Variants in SLC22A2 observed in about 807,000 individuals in gnomAD.
The protein encoded by SLC22A2 is organic cation transporter 2.
SLC22A2 carries 46 observed loss-of-function variants against 60.5 expected under a neutral mutation model. That is an observed-to-expected ratio of 0.76 (90% confidence interval 0.60 to 0.97). The LOEUF is 0.97. Among genes scored for constraint, SLC22A2 ranks in the 50% least tolerant of loss-of-function variants. The pLI, the probability that SLC22A2 is intolerant of heterozygous loss-of-function variation, is 0.00. For missense variants in SLC22A2, 701 were observed against 706.6 expected (o/e 0.99, Z 0.09); for synonymous variants, 303 against 267.0 (o/e 1.13, Z -1.31).
chr6:160,236,716 C>G (rs933892858), intron 9 of SLC22A2, among the ~76,000 whole-genome samples: 2 of 152,028 alleles, frequency 1.3e-5, no homozygotes, highest in African/African-American at 4.8e-5. Context: ...CTACATAGTC[C>G]CTGTACAGGG....
chr6:160,241,618 A>C, intron 8 of SLC22A2, 32 bp from the exon 9 acceptor site: 2 of 1,417,202 alleles, frequency 1.4e-6, no homozygotes, highest in Non-Finnish European at 2.0e-6. Context: ...TAACTTGTTA[A>C]CTTATCACAG....
chr6:160,217,303 A>G lies in SLC22A2; in HGVS notation c.*129T>C, dbSNP rs747959272. 3.5e-5 allele frequency: 21 copies of G among 595,412 alleles called. No homozygotes were observed. The highest frequency in any genetic ancestry group is 4.8e-5 in the Non-Finnish European group (16 of 336,010). 36.9% of individuals were successfully genotyped at this position (595,412 alleles called of 1,614,324 possible). The stretch of plus-strand genomic sequence containing the variant: ...GTACAATAGACTCCACTGGCTGTAG[A>G]CCTAGGTTGATAGGGCTCAGGGGTA... On this transcript the variant is annotated 3_prime_UTR_variant, in exon 11 of 11. Transcript: ENST00000366953.
intron 9 of SLC22A2, among the ~76,000 whole-genome samples, chr6:160,230,468 G>A (rs187789084): frequency 6.6e-6 from 1 of 152,076 alleles, no homozygotes; most frequent in Non-Finnish European, 1.5e-5. Flanking sequence ...TGAAGGGTCA[G>A]AAGGCCATCT....
chr6:160,255,080 C>T (rs1292365124), intron 2 of SLC22A2, among the ~76,000 whole-genome samples: 2 of 152,200 alleles, frequency 1.3e-5, no homozygotes, highest in Non-Finnish European at 2.9e-5. Context: ...CGGACCTCCC[C>T]TTGTTAATGT....
chr6:160,242,465 C>G (rs1006903680), intron 7 of SLC22A2, 63 bp from the exon 8 acceptor site: 1 of 952,312 alleles, frequency 1.1e-6, no homozygotes, highest in African/African-American at 1.6e-5. Context: ...AGACAGTGCT[C>G]CAGAGTGGGA....
intron 9 of SLC22A2, among the ~76,000 whole-genome samples, chr6:160,233,277 C>T (rs1012935145): frequency 1.3e-5 from 2 of 151,896 alleles, no homozygotes; most frequent in Admixed American, 6.5e-5. Context: ...TTCTTCCCTT[C>T]TGTCAGACAT....
At chr6:160,236,554 A>T (rs1234522730) in intron 9 of SLC22A2, among the ~76,000 whole-genome samples, 1 of 152,230 alleles carries the variant, frequency 6.6e-6, no homozygotes, top group Non-Finnish European at 1.5e-5. Context: ...AAGTGCAATA[A>T]GAATCTGTTT....
At chr6:160,239,864 T>A (rs969889265) in intron 9 of SLC22A2, among the ~76,000 whole-genome samples, 2 of 152,214 alleles carry the variant, frequency 1.3e-5, no homozygotes, top group East Asian at 3.8e-4. Flanking sequence ...GTTTTGCAGG[T>A]AAGTTCCATC....
chr6:160,241,966 G>A (rs1339074477), intron 8 of SLC22A2, among the ~76,000 whole-genome samples: 1 of 151,390 alleles, frequency 6.6e-6, no homozygotes, highest in Non-Finnish European at 1.5e-5. Flanking sequence ...GATGGGAGGA[G>A]CAATTGTTTC....
At chr6:160,243,351 G>C (rs1181130355) in intron 7 of SLC22A2, among the ~76,000 whole-genome samples, 2 of 151,972 alleles carry the variant, frequency 1.3e-5, no homozygotes, top group African/African-American at 2.4e-5. Context: ...GGGCTGTAAA[G>C]TCTCTCTTGT....
intron 1 of SLC22A2, among the ~76,000 whole-genome samples, chr6:160,257,320 C>A (rs1223926400): frequency 1.3e-5 from 2 of 152,168 alleles, no homozygotes; most frequent in Non-Finnish European, 2.9e-5. Flanking sequence ...CTGCTGAAGG[C>A]TGCTGCATTT....
intron 3 of SLC22A2, among the ~76,000 whole-genome samples, 193 bp from the exon 4 acceptor site, chr6:160,249,577 A>T (rs946302454): frequency 1.3e-5 from 2 of 152,194 alleles, no homozygotes; most frequent in African/African-American, 2.4e-5. Context: ...TAATTAATAA[A>T]TCTTATAGTC....
chr6:160,258,809 T>C lies in SLC22A2; in HGVS notation c.-52A>G. On this transcript the variant is annotated 5_prime_UTR_variant, in exon 1 of 11. Coordinates refer to ENST00000366953, the MANE Select transcript of SLC22A2 (RefSeq NM_003058.4). ...CTGCCCGACGTGCCCGGAGCGAGGCTGAGAGCGGCTGCAGCCAGCTCAGCA... is the reference window on the plus strand; with the variant it reads ...CTGCCCGACGTGCCCGGAGCGAGGCCGAGAGCGGCTGCAGCCAGCTCAGCA... 2.0e-6 allele frequency: 3 copies of C among 1,487,214 alleles called. No individual in the cohort carries two copies. Among genetic ancestry groups the C allele is most frequent in the Non-Finnish European group, 2.7e-6 (3 of 1,117,766 alleles). The allele number at this position is 1,487,214 out of a possible 1,614,324, so 92.1% of individuals were successfully genotyped here. A position where few individuals can be genotyped will look rare whatever the true frequency, so the allele number is the denominator to read the frequency against.
chr6:160,236,750 A>T (rs942355558), intron 9 of SLC22A2, among the ~76,000 whole-genome samples: 2 of 152,158 alleles, frequency 1.3e-5, no homozygotes, highest in Admixed American at 1.3e-4. Flanking sequence ...GTAAGTAAAA[A>T]ATGTCACTTT....
At position 160,256,635 on chromosome 6, in the gene SLC22A2, C is replaced by T. The variant is rs1474614683; in HGVS notation, c.497G>A (p.Ser166Asn). 3 of 1,612,890 alleles carry T rather than the reference C, an allele frequency of 1.9e-6. No individual in the cohort carries two copies. The highest frequency in any genetic ancestry group is 1.1e-5 in the South Asian group (1 of 91,056). ...CTACCTGTCTGCTATGTAGCCGATA[C>T]TCATAGAGCCAATAAAGAATCCTAC... ...VNVGFFIGSM[S>N]IGYIADRFGR... is the part of the protein sequence containing the mutation. Residue 166 changes from serine to asparagine, a missense_variant, in exon 2 of 11, where the codon AGT (serine) becomes AAT (asparagine). By Grantham distance (46) the Ser-to-Asn change is conservative. Transcript: ENST00000366953.
chr6:160,252,506 G>C (rs957535281), intron 2 of SLC22A2, among the ~76,000 whole-genome samples: 2 of 152,168 alleles, frequency 1.3e-5, no homozygotes, highest in Admixed American at 6.5e-5. Context: ...GGGGAATCTG[G>C]GATAGAGGTC....
chr6:160,220,313 G>T (rs1185608198), intron 10 of SLC22A2, among the ~76,000 whole-genome samples: 1 of 152,158 alleles, frequency 6.6e-6, no homozygotes, highest in African/African-American at 2.4e-5. Flanking sequence ...GTTTTATCAC[G>T]AGGTTGAAGC....
At chr6:160,241,872 A>G (rs1346635467) in intron 8 of SLC22A2, among the ~76,000 whole-genome samples, 1 of 48,094 alleles carries the variant, frequency 2.1e-5, no homozygotes, top group Non-Finnish European at 4.9e-5. Context: ...TCAATGCACA[A>G]TATTTTATAT....
At chr6:160,245,352 T>G (rs916943982) in intron 6 of SLC22A2, 87 bp downstream of exon 6, 1 of 711,722 alleles carries the variant, frequency 1.4e-6, no homozygotes, top group Admixed American at 2.6e-5. Context: ...AATACCGGGA[T>G]GAGGTCATGT....
Sources: allele counts gnomAD v4.1 joint callset (sites outside exome capture counted in the v4.1 genomes callset), GRCh38; gene constraint gnomAD v4.1.1; transcripts MANE v1.5; gene names NCBI Gene and HGNC (gene_info 2026-07-23, HGNC 2026-07-21).